The following EEIG1 variants were observed in gnomAD, a reference collection of about 807,000 sequenced individuals.
EEIG1 encodes the protein estrogen-induced osteoclastogenesis regulator 1.
the EEIG1 span, chr9:127,943,093 TG>T: frequency 9.2e-7 from 1 of 1,086,396 alleles, no homozygotes; most frequent in Non-Finnish European, 1.4e-6. Flanking sequence ...GGATGAGATG[TG>T]GCGCAGAGGT....
the EEIG1 span, among the ~76,000 whole-genome samples, chr9:127,966,774 C>T: frequency 1.3e-5 from 2 of 152,338 alleles, no homozygotes; most frequent in East Asian, 3.9e-4. Flanking sequence ...TCCTGTGTGC[C>T]AAGTAATTCT....
chr9:127,974,106 A>G, the EEIG1 span, among the ~76,000 whole-genome samples: 4 of 152,218 alleles, frequency 2.6e-5, no homozygotes, highest in Admixed American at 1.3e-4. Flanking sequence ...ACTAAGTACT[A>G]GGCATGATGC....
the EEIG1 span, among the ~76,000 whole-genome samples, chr9:127,961,770 A>C: frequency 2.7e-5 from 4 of 148,658 alleles, no homozygotes; most frequent in Non-Finnish European, 5.9e-5. Context: ...GCGAGTGGCC[A>C]CAGATATCTG....
the EEIG1 span, among the ~76,000 whole-genome samples, chr9:127,964,737 C>T: frequency 9.2e-5 from 14 of 152,280 alleles, no homozygotes; most frequent in South Asian, 2.1e-4. Flanking sequence ...CGAAGCCCTG[C>T]GGGGGCAGGT....
chr9:127,961,598 G>A, the EEIG1 span, among the ~76,000 whole-genome samples: 8 of 152,346 alleles, frequency 5.3e-5, no homozygotes, highest in East Asian at 1.5e-3. Context: ...GCAGTGGGTG[G>A]AAGACAGACA....
the EEIG1 span, among the ~76,000 whole-genome samples, chr9:127,965,196 T>C: frequency 6.8e-6 from 1 of 146,254 alleles, no homozygotes; most frequent in Admixed American, 6.8e-5. Flanking sequence ...AGATTCCCAG[T>C]GAGCCCTTCC....
the EEIG1 span, among the ~76,000 whole-genome samples, chr9:127,960,725 G>A: frequency 6.6e-6 from 1 of 152,138 alleles, no homozygotes; most frequent in Non-Finnish European, 1.5e-5. Context: ...TTGAGAGTTT[G>A]CTGTGGGAAC....
the EEIG1 span, among the ~76,000 whole-genome samples, chr9:127,970,118 A>G: frequency 5.3e-5 from 8 of 149,978 alleles, no homozygotes; most frequent in Admixed American, 2.0e-4. Context: ...GGCATCATAC[A>G]CTTTTTTTTT....
At chr9:127,944,478 T>A in the EEIG1 span, 1 of 675,598 alleles carries the variant, frequency 1.5e-6, no homozygotes, top group African/African-American at 1.8e-5. Context: ...AAAGGGAGGT[T>A]CAGAGACATG....
chr9:127,971,555 C>T, the EEIG1 span, among the ~76,000 whole-genome samples: 2 of 72,446 alleles, frequency 2.8e-5, no homozygotes, highest in African/African-American at 5.4e-5. Context: ...GGCGGGGGGG[C>T]GGGTCCAGCA....
At chr9:127,954,019 TGAGG>T in the EEIG1 span, 1 of 1,485,574 alleles carries the variant, frequency 6.7e-7, no homozygotes, top group Non-Finnish European at 9.2e-7. Context: ...CCATTGGGAC[TGAGG>T]CGGTGGGAAG....
chr9:127,950,513 G>A, the EEIG1 span: 12 of 1,613,982 alleles, frequency 7.4e-6, no homozygotes, highest in Non-Finnish European at 9.3e-6. Flanking sequence ...CCGCAAACTC[G>A]GCCAGGTTCA....
the EEIG1 span, chr9:127,950,412 A>T: frequency 6.2e-7 from 1 of 1,613,240 alleles, no homozygotes; most frequent in African/African-American, 1.3e-5. Flanking sequence ...AGGTGGCAGG[A>T]TCCCTGGTAC....
chr9:127,980,802 C>T, the EEIG1 span, among the ~76,000 whole-genome samples: 1 of 149,620 alleles, frequency 6.7e-6, no homozygotes, highest in Non-Finnish European at 1.5e-5. Flanking sequence ...GGGCCGGCCC[C>T]GGGCAGCGGA....
At chr9:127,949,476 G>T in the EEIG1 span, among the ~76,000 whole-genome samples, 1 of 152,162 alleles carries the variant, frequency 6.6e-6, no homozygotes, top group Non-Finnish European at 1.5e-5. Context: ...AGGATGTGGG[G>T]GAGCTTCCCT....
chr9:127,948,602 G>A, the EEIG1 span, among the ~76,000 whole-genome samples: 1 of 152,262 alleles, frequency 6.6e-6, no homozygotes, highest in Admixed American at 6.5e-5. Context: ...CTGTGTGGAG[G>A]ACAGAGATGG....
the EEIG1 span, among the ~76,000 whole-genome samples, chr9:127,978,178 C>T: frequency 6.6e-6 from 1 of 152,206 alleles, no homozygotes; most frequent in Admixed American, 6.5e-5. Flanking sequence ...AAGCACCCCA[C>T]CCTGTCCACA....
the EEIG1 span, chr9:127,943,566 C>A: frequency 2.9e-6 from 1 of 346,972 alleles, no homozygotes. Context: ...TGAGGGTGAC[C>A]AAGAGGGCAG....
chr9:127,947,469 G>A, the EEIG1 span, among the ~76,000 whole-genome samples: 1 of 152,144 alleles, frequency 6.6e-6, no homozygotes, highest in African/African-American at 2.4e-5. Context: ...TGCCCACTAA[G>A]TGCTTACCAT....
Sources: gnomAD v4.1 joint callset for allele counts (sites outside exome capture counted in the v4.1 genomes callset) on GRCh38, gnomAD v4.1.1 for gene constraint, MANE v1.5 for transcripts, NCBI Gene and HGNC (gene_info 2026-07-23, HGNC 2026-07-21) for gene names.